Variants in PLEK2 observed in about 807,000 individuals in gnomAD.
PLEK2 encodes the protein pleckstrin-2.
A neutral mutation model predicts 43.8 loss-of-function variants in PLEK2; 29 were observed. That is an observed-to-expected ratio of 0.66 (90% CI 0.49 to 0.90). The LOEUF (loss-of-function observed/expected upper bound fraction) is 0.90. Ranked by LOEUF, PLEK2 falls within the 40% of genes least tolerant of loss-of-function variation. PLEK2 has a pLI of 0.00. For missense variants in PLEK2, 398 were observed against 448.1 expected (o/e 0.89, Z 1.01); for synonymous variants, 162 against 173.2 (o/e 0.94, Z 0.51).
chr14:67,393,568 C>T (rs1216956741), intron 3 of PLEK2, among the ~76,000 whole-genome samples: 1 of 152,154 alleles, frequency 6.6e-6, no homozygotes, highest in African/African-American at 2.4e-5. Flanking sequence ...ATTCTCCTGC[C>T]TCAACCTCCG....
At chr14:67,405,692 CCT>C (rs2086073903) in intron 1 of PLEK2, among the ~76,000 whole-genome samples, 1 of 152,168 alleles carries the variant, frequency 6.6e-6, no homozygotes, top group African/African-American at 2.4e-5. Context: ...TCTCTTTCTC[CCT>C]CTGCCTCTCT....
At position 67,395,856 on chromosome 14, in the gene PLEK2, A is replaced by G. The variant is rs1435066338; in HGVS notation, c.208-273T>C. On this transcript the variant is annotated intron_variant, in intron 2 of 8. Coordinates refer to ENST00000216446, the MANE Select transcript of PLEK2 (RefSeq NM_016445.3). The stretch of plus-strand genomic sequence containing the variant: ...CACTAGTTCTGTTCTCTCTTCTAGA[A>G]CCACACAGATGAAGACTCACCTCCT... Among the ~76,000 whole-genome samples, 3 of 152,124 alleles carry G rather than the reference A, an allele frequency of 2.0e-5. No individual in the cohort carries two copies. The East Asian group carries it at 5.8e-4, about 29-fold the overall frequency.
At chr14:67,406,110 T>C (rs1329262769) in intron 1 of PLEK2, among the ~76,000 whole-genome samples, 1 of 151,910 alleles carries the variant, frequency 6.6e-6, no homozygotes, top group Non-Finnish European at 1.5e-5. Context: ...AATTCAAAAA[T>C]TAGCTGGGCG....
intron 1 of PLEK2, among the ~76,000 whole-genome samples, chr14:67,405,731 T>C (rs962013561): frequency 9.2e-5 from 14 of 152,182 alleles, no homozygotes; most frequent in Admixed American, 7.2e-4. Flanking sequence ...GATTATTTGC[T>C]GTGGGAAAAG....
chr14:67,408,735 C>T lies in PLEK2; in HGVS notation c.42+3283G>A, dbSNP rs144491517. Among the ~76,000 whole-genome samples, 224 of 152,280 alleles carry T rather than the reference C, an allele frequency of 1.5e-3. 1 individual carries two copies. The highest frequency in any genetic ancestry group is 5.1e-3 in the African/African-American group (212 of 41,554). On this transcript the variant is annotated intron_variant, in intron 1 of 8. Coordinates refer to ENST00000216446, the MANE Select transcript of PLEK2 (RefSeq NM_016445.3). Reference sequence around the variant, plus strand: ...CAGAGGCAGCACGGCCCTGGCAACACCTTGATTTTGCACCTCTAGCCTCCA... The same window carrying T: ...CAGAGGCAGCACGGCCCTGGCAACATCTTGATTTTGCACCTCTAGCCTCCA...
In PLEK2 at chr14:67,395,306, G is replaced by C. The variant is rs976799891; in HGVS notation, c.389+96C>G. On this transcript the variant is annotated intron_variant, in intron 3 of 8. Coordinates refer to ENST00000216446, the MANE Select transcript of PLEK2 (RefSeq NM_016445.3). The stretch of plus-strand genomic sequence containing the variant: ...ACCGTGGTGGCACCAGCCAGACTGT[G>C]CAGCAAGCACAGAGCCCCCCCAAGG... 1.4e-5 allele frequency: 15 copies of C among 1,056,180 alleles called. No homozygotes were observed. In the Admixed American group the frequency reaches 2.2e-4, roughly 16 times the overall value. 65.4% of individuals were successfully genotyped at this position (1,056,180 alleles called of 1,614,324 possible).
In PLEK2 at chr14:67,392,291, T is replaced by G. The variant is rs1488765612; in HGVS notation, c.771+35A>C. On this transcript the variant is annotated intron_variant, in intron 6 of 8. Coordinates refer to ENST00000216446, the MANE Select transcript of PLEK2 (RefSeq NM_016445.3). ...TGCTCCCTCCCCTAAGCTTGAGAAC[T>G]GTCCATCTCTCTTCCCTGCTCATAG... The G allele has an allele frequency of 3.0e-6, 4 of 1,328,594 alleles. No homozygotes were observed. In the Admixed American group the frequency reaches 6.7e-5, roughly 22 times the overall value. 82.3% of individuals were successfully genotyped at this position (1,328,594 alleles called of 1,614,324 possible). A position where few individuals can be genotyped will look rare whatever the true frequency, so the allele number is the denominator to read the frequency against.
chr14:67,391,269 A>ATGTGTGTGTGTGTGTGTG (rs145218491), intron 6 of PLEK2, among the ~76,000 whole-genome samples: 10 of 139,568 alleles, frequency 7.2e-5, no homozygotes, highest in African/African-American at 2.6e-4. Flanking sequence ...TAAGCAGCTG[A>ATGTGTGTGTGTGTGTGTG]TATGTGTGTG....
chr14:67,403,083 G>T (rs1259646585), intron 1 of PLEK2, among the ~76,000 whole-genome samples: 1 of 152,168 alleles, frequency 6.6e-6, no homozygotes, highest in Non-Finnish European at 1.5e-5. Context: ...ACCAGAATTT[G>T]TATTTGCCTG....
chr14:67,393,361 A>G (rs934512920), intron 3 of PLEK2, 120 bp from the exon 4 acceptor site: 5 of 755,590 alleles, frequency 6.6e-6, no homozygotes, highest in Non-Finnish European at 1.2e-5. Context: ...ACACATCACA[A>G]AGAAAAGGGG....
intron 1 of PLEK2, among the ~76,000 whole-genome samples, chr14:67,400,783 T>C (rs1462438925): frequency 6.6e-6 from 1 of 151,528 alleles, no homozygotes; most frequent in Non-Finnish European, 1.5e-5. Context: ...AGACCAGGAG[T>C]TTGAGACTAG....
chr14:67,408,873 A>T (rs1487700767), intron 1 of PLEK2, among the ~76,000 whole-genome samples: 1 of 152,040 alleles, frequency 6.6e-6, no homozygotes, highest in Non-Finnish European at 1.5e-5. Flanking sequence ...GCATAACCAT[A>T]ATTTAATTAG....
At chr14:67,391,421 C>T (rs1425998846) in intron 6 of PLEK2, among the ~76,000 whole-genome samples, 1 of 151,820 alleles carries the variant, frequency 6.6e-6, no homozygotes, top group Non-Finnish European at 1.5e-5. Context: ...CCCTAGGGGC[C>T]TCTCTTCCTC....
At chr14:67,396,005 A>G (rs1009225474) in intron 2 of PLEK2, among the ~76,000 whole-genome samples, 1 of 152,080 alleles carries the variant, frequency 6.6e-6, no homozygotes, top group Admixed American at 6.5e-5. Flanking sequence ...ACAGGATATT[A>G]ATGCCTACCT....
chr14:67,400,745 C>T lies in PLEK2; in HGVS notation c.43-2919G>A, dbSNP rs1305920909. 4.0e-5 allele frequency among the ~76,000 whole-genome samples: 6 copies of T among 151,706 alleles called. 1 individual carries two copies. The highest frequency in any genetic ancestry group is 1.2e-4 in the African/African-American group (5 of 41,276). ...GTTCACGCCTGTAATCCCAGCACTT[C>T]GGGAGGCCAAGGTAGGAGGATCACT... On this transcript the variant is annotated intron_variant, in intron 1 of 8. Transcript: ENST00000216446.
At chr14:67,398,683 A>C (rs1182124283) in intron 1 of PLEK2, among the ~76,000 whole-genome samples, 1 of 151,382 alleles carries the variant, frequency 6.6e-6, no homozygotes, top group Non-Finnish European at 1.5e-5. Flanking sequence ...CTACTTCCCG[A>C]GTGGCTGGGA....
intron 1 of PLEK2, among the ~76,000 whole-genome samples, chr14:67,406,209 A>T (rs1307415144): frequency 6.6e-6 from 1 of 151,702 alleles, no homozygotes; most frequent in Admixed American, 6.6e-5. Context: ...CAGTGAGCCA[A>T]GATGGCGCCA....
At chr14:67,407,277 A>G (rs2086085054) in intron 1 of PLEK2, among the ~76,000 whole-genome samples, 1 of 151,724 alleles carries the variant, frequency 6.6e-6, no homozygotes. Context: ...ACCCATCACC[A>G]CACCTGGCTA....
chr14:67,406,096 T>C (rs2086076543), intron 1 of PLEK2, among the ~76,000 whole-genome samples: 2 of 151,948 alleles, frequency 1.3e-5, no homozygotes, highest in Admixed American at 6.6e-5. Context: ...CCGTCTCTAC[T>C]AAAAATTCAA....
Sources: gnomAD v4.1 joint callset for allele counts (sites outside exome capture counted in the v4.1 genomes callset) on GRCh38, gnomAD v4.1.1 for gene constraint, MANE v1.5 for transcripts, NCBI Gene and HGNC (gene_info 2026-07-23, HGNC 2026-07-21) for gene names.